The following PTBP1 variants were observed in gnomAD, a reference collection of about 807,000 sequenced individuals.
PTBP1 encodes the protein polypyrimidine tract-binding protein 1.
In PTBP1, 8 loss-of-function variants were observed where a neutral mutation model predicts 59.8. The ratio of observed to expected loss-of-function variants is 0.13; its 90% CI spans 0.08 to 0.24. The LOEUF is 0.24. Ranked by LOEUF, PTBP1 falls within the 10% of genes least tolerant of loss-of-function variation. PTBP1 has a pLI of 1.00. For missense variants in PTBP1, 686 were observed against 767.0 expected (o/e 0.89, Z 1.25); for synonymous variants, 490 against 320.7 (o/e 1.53, Z -5.64).
chr19:798,976 C>G (rs2034205561), intron 1 of PTBP1, among the ~76,000 whole-genome samples: 2 of 152,258 alleles, frequency 1.3e-5, no homozygotes, highest in South Asian at 4.1e-4. Context: ...GGGGGCCCAC[C>G]CCTACCCGGG....
intron 13 of PTBP1, among the ~76,000 whole-genome samples, chr19:809,888 A>G (rs1473818548): frequency 6.6e-6 from 1 of 152,204 alleles, no homozygotes; most frequent in Non-Finnish European, 1.5e-5. Flanking sequence ...GCGGCAGAGT[A>G]AGACCCTGTC....
intron 8 of PTBP1, 43 bp downstream of exon 8, chr19:805,230 A>C: frequency 6.2e-7 from 1 of 1,603,136 alleles, no homozygotes; most frequent in South Asian, 1.1e-5. Flanking sequence ...AGAGTGGTCT[A>C]TTAGGGCCGC....
In PTBP1 at chr19:808,472, C is replaced by T; in HGVS notation, c.1246+20C>T. 1 of 1,579,080 alleles carries T rather than the reference C, an allele frequency of 6.3e-7. No individual in the cohort carries two copies. Among genetic ancestry groups the T allele is most frequent in the Non-Finnish European group, 8.6e-7 (1 of 1,164,054 alleles). ...AGCTGGGTAAGAGGCCGGGGCGGCC[C>T]CGGGGTGGAGGGGGCAGGGGCGGGG... On this transcript the variant is annotated intron_variant, in intron 12 of 14. Transcript: ENST00000356948. This position sits in a 1 kb window ranked among gnomAD's most constrained non-coding sequence, Gnocchi z 4.7.
rs760878935 is a variant in PTBP1 at position 810,770 on chromosome 19, C to T, written c.1618C>T (p.His540Tyr). 2 of 1,606,396 alleles carry T rather than the reference C, an allele frequency of 1.2e-6. No individual in the cohort carries two copies. Among genetic ancestry groups the T allele is most frequent in the Admixed American group, 1.7e-5 (1 of 58,236 alleles). ...AVQALIDLHN[H>Y]DLGENHHLRV... ...CCAGGCCCTCATTGACCTGCACAAC[C>T]ACGACCTCGGGGAGAACCACCACCT... is the stretch of plus-strand genomic sequence containing the variant. The change falls in exon 15 of 15, where the codon CAC (histidine) becomes TAC (tyrosine). Residue 540 changes from histidine (H) to tyrosine (Y), a missense_variant. His to Tyr is a moderately conservative substitution (Grantham distance 83). Coordinates refer to ENST00000356948, the MANE Select transcript of PTBP1 (RefSeq NM_002819.5).
chr19:806,158 C>T (rs952342083), intron 9 of PTBP1: 9 of 424,576 alleles, frequency 2.1e-5, no homozygotes, highest in Admixed American at 9.1e-5. Flanking sequence ...GTGCTGTGGG[C>T]GGGGCGCATG....
Position 808,548 on chromosome 19 carries a change from A to T in PTBP1, c.1249A>T (p.Met417Leu). 6.3e-7 allele frequency: 1 copy of T among 1,589,114 alleles called. No homozygotes were observed. The highest frequency in any genetic ancestry group is 2.3e-5 in the East Asian group (1 of 43,312). The part of the protein sequence containing the change: ...MADGNQAQLA[M>L]SHLNGHKLHG... ...TCACGCGGGTGCTGCTCCCCCAGCC[A>T]TGAGCCACCTGAACGGGCACAAGCT... is the stretch of plus-strand genomic sequence containing the variant. Residue 417 changes from methionine (M) to leucine (L), a missense_variant and splice_region_variant, in exon 13 of 15, where the codon ATG (methionine) becomes TTG (leucine). By Grantham distance (15) the Met-to-Leu change is conservative. Transcript: ENST00000356948. This position sits in a 1 kb window ranked among gnomAD's most constrained non-coding sequence, Gnocchi z 4.7.
chr19:797,754 CG>C (rs973047773), intron 1 of PTBP1, among the ~76,000 whole-genome samples: 12 of 148,236 alleles, frequency 8.1e-5, no homozygotes, highest in Non-Finnish European at 1.8e-4. Context: ...CTAGCGCACG[CG>C]GCCTCCCGCG....
rs957562751 is a variant in PTBP1, at chr19:812,093, A to G, written c.*1267A>G. 1.3e-5 allele frequency: 2 copies of G among 152,254 alleles called. No homozygotes were observed. Among genetic ancestry groups the G allele is most frequent in the African/African-American group, 4.8e-5 (2 of 41,382 alleles). The allele number at this position is 152,254 out of a possible 1,614,324, so 9.4% of individuals were successfully genotyped here. ...GTTTTTTATGGTGACACAAATGTAT[A>G]TTTTGCTAACAGCAATTCCAGGCTC... is the stretch of plus-strand genomic sequence containing the variant. On this transcript the variant is annotated 3_prime_UTR_variant, in exon 15 of 15. Transcript: ENST00000356948.
chr19:797,584 G>A, intron 1 of PTBP1, 79 bp downstream of exon 1: 1 of 1,064,354 alleles, frequency 9.4e-7, no homozygotes, highest in Non-Finnish European at 1.2e-6. Context: ...GGCCTCCCCG[G>A]GGCCGATCTC....
intron 3 of PTBP1, 65 bp from the exon 4 acceptor site, chr19:803,971 G>C: frequency 6.3e-7 from 1 of 1,589,038 alleles, no homozygotes; most frequent in South Asian, 1.1e-5. Context: ...TAGGGGGATA[G>C]CAGGGACCTT....
chr19:801,062 C>T (rs1479201379), intron 2 of PTBP1, among the ~76,000 whole-genome samples: 1 of 151,968 alleles, frequency 6.6e-6, no homozygotes, highest in Non-Finnish European at 1.5e-5. Context: ...GGGCCCACAC[C>T]TGGCTACGCT....
intron 3 of PTBP1, 24 bp from the exon 4 acceptor site, chr19:804,012 C>T (rs1483990196): frequency 5.0e-6 from 8 of 1,613,228 alleles, no homozygotes; most frequent in Non-Finnish European, 6.8e-6. Flanking sequence ...TTGGTGCCTG[C>T]ATCTCATGGC....
rs111648118 is a variant in PTBP1, at chr19:804,091, C to A, written c.171C>A (p.Pro57=). 6.2e-7 allele frequency: 1 copy of A among 1,614,074 alleles called. No homozygotes were observed. The highest frequency in any genetic ancestry group is 1.1e-5 in the South Asian group (1 of 91,078). Residue 57 remains proline (P), a synonymous_variant, in exon 4 of 15, where the codon CCC becomes CCA. Coordinates refer to ENST00000356948, the MANE Select transcript of PTBP1 (RefSeq NM_002819.5). ...FKGDSRSAGV[P]SRVIHIRKLP... ...GTGACAGCCGAAGTGCAGGCGTCCC[C>A]TCTAGAGTGATCCACATCCGGAAGC...
At chr19:800,642 T>G (rs1457246983) in intron 2 of PTBP1, among the ~76,000 whole-genome samples, 2 of 152,218 alleles carry the variant, frequency 1.3e-5, no homozygotes, top group African/African-American at 2.4e-5. Flanking sequence ...TTTTCCCAAG[T>G]GGACTGCTGT....
intron 13 of PTBP1, among the ~76,000 whole-genome samples, chr19:809,469 C>T (rs985285072): frequency 2.0e-5 from 3 of 152,006 alleles, no homozygotes; most frequent in African/African-American, 4.8e-5. Context: ...TATAGGTGCC[C>T]GCCAGCACGC....
intron 2 of PTBP1, among the ~76,000 whole-genome samples, chr19:800,706 G>A (rs1347272808): frequency 6.6e-6 from 1 of 152,238 alleles, no homozygotes; most frequent in Non-Finnish European, 1.5e-5. Flanking sequence ...TTTGTTCAGT[G>A]TGGGAGGAGG....
At position 810,931 on chromosome 19, in the gene PTBP1, A is replaced by AT. The variant is rs925688754; in HGVS notation, c.*112dup. 11 of 1,185,746 alleles carry AT rather than the reference A, an allele frequency of 9.3e-6. No homozygotes were observed. In the Admixed American group the frequency reaches 1.8e-4, roughly 19 times the overall value. The allele number at this position is 1,185,746 out of a possible 1,614,324, so 73.5% of individuals were successfully genotyped here. A position where few individuals can be genotyped will look rare whatever the true frequency, so the allele number is the denominator to read the frequency against. On this transcript the variant is annotated 3_prime_UTR_variant, in exon 15 of 15. Coordinates refer to ENST00000356948, the MANE Select transcript of PTBP1 (RefSeq NM_002819.5). ...GTGACCTTAGCAGACCAGAGATTTT[A>AT]TTTTTTTAAAGAGAAATCAGTTTAC...
At chr19:799,301 C>A in intron 1 of PTBP1, 112 bp from the exon 2 acceptor site, 1 of 951,790 alleles carries the variant, frequency 1.1e-6, no homozygotes, top group Non-Finnish European at 1.7e-6. Context: ...GGGAGCCCTG[C>A]GGAGGTGGCA....
intron 1 of PTBP1, among the ~76,000 whole-genome samples, chr19:797,910 C>T (rs961188868): frequency 6.0e-5 from 9 of 148,860 alleles, no homozygotes; most frequent in African/African-American, 1.9e-4. Context: ...CTGCGTAGCC[C>T]GTCGCGCGTC....
Sources: gnomAD v4.1 joint callset for allele counts (sites outside exome capture counted in the v4.1 genomes callset) on GRCh38, gnomAD v4.1.1 for gene constraint, Gnocchi (gnomAD v3.1) non-coding constraint, MANE v1.5 for transcripts, NCBI Gene and HGNC (gene_info 2026-07-23, HGNC 2026-07-21) for gene names.